Variants in CTNNA3 observed in about 807,000 individuals in gnomAD.
CTNNA3 encodes catenin alpha 3, also known as catenin alpha-3.
A neutral mutation model predicts 95.7 loss-of-function variants in CTNNA3; 76 were observed. The ratio of observed to expected loss-of-function variants is 0.79; its 90% CI spans 0.66 to 0.96. The LOEUF (loss-of-function observed/expected upper bound fraction) is 0.96, where lower values mean the gene tolerates loss of function less well. CTNNA3 is among the 40% of genes least tolerant of loss of function. The pLI, the probability that CTNNA3 is intolerant of heterozygous loss-of-function variation, is 0.00. For missense variants in CTNNA3, 1,191 were observed against 1,089.8 expected (o/e 1.09, Z -1.31); for synonymous variants, 431 against 374.4 (o/e 1.15, Z -1.74).
intron 13 of CTNNA3, among the ~76,000 whole-genome samples, chr10:66,108,108 T>C (rs926848933): frequency 6.6e-6 from 1 of 151,954 alleles, no homozygotes; most frequent in African/African-American, 2.4e-5. Flanking sequence ...CCAGCTGAGG[T>C]AGTAACGTAG....
intron 7 of CTNNA3, among the ~76,000 whole-genome samples, chr10:66,963,823 T>G (rs1406128317): frequency 1.3e-5 from 2 of 150,334 alleles, no homozygotes; most frequent in East Asian, 4.0e-4. Flanking sequence ...GGATTTGTTG[T>G]TTTATCAGTG....
intron 9 of CTNNA3, among the ~76,000 whole-genome samples, chr10:66,634,490 A>G (rs940477929): frequency 6.6e-6 from 1 of 152,158 alleles, no homozygotes; most frequent in South Asian, 2.1e-4. Flanking sequence ...AAAGCTTCTT[A>G]TCAATGACAA....
chr10:66,093,027 A>C (rs1038070773), intron 14 of CTNNA3, among the ~76,000 whole-genome samples: 2 of 151,952 alleles, frequency 1.3e-5, no homozygotes, highest in Non-Finnish European at 2.9e-5. Context: ...CAGGATGAAA[A>C]TGTACATATT....
intron 1 of CTNNA3, among the ~76,000 whole-genome samples, chr10:67,649,245 G>A (rs11817415): frequency 0.022 from 3,407 of 152,260 alleles, 50 homozygotes; most frequent in Non-Finnish European, 0.034. Flanking sequence ...GTGAACCTTC[G>A]CAGCCTTTAA....
In CTNNA3 at chr10:66,445,216, A is replaced by G. The variant is rs576908546; in HGVS notation, c.1532-65864T>C. ...AAAGAGACTTAGACTCCCACACAAT[A>G]ATAATGGGAGACATTAACACCCCAC... On this transcript the variant is annotated intron_variant, in intron 11 of 17. Transcript: ENST00000433211. Among the ~76,000 whole-genome samples the G allele has an allele frequency of 1.0e-3, 152 of 152,088 alleles. 1 individual carries two copies. Among genetic ancestry groups the G allele is most frequent in the African/African-American group, 3.3e-3 (138 of 41,462 alleles).
intron 5 of CTNNA3, among the ~76,000 whole-genome samples, chr10:67,317,890 C>T (rs1841127492): frequency 7.6e-6 from 1 of 130,852 alleles, no homozygotes; most frequent in South Asian, 2.5e-4. Context: ...ATTTTTATAG[C>T]CCTTGTGAAA....
Position 65,939,317 on chromosome 10 carries a change from G to C in CTNNA3, c.2401-18700C>G, listed in dbSNP as rs151311720. 1.6e-3 allele frequency among the ~76,000 whole-genome samples: 239 copies of C among 152,290 alleles called. 2 individuals carry two copies. The highest frequency in any genetic ancestry group is 1.3e-3 in the Non-Finnish European group (87 of 68,008). On this transcript the variant is annotated intron_variant, in intron 17 of 17. Transcript: ENST00000433211. ...TTCTGAGCTCAAATTTCTTTGTGCA[G>C]TATGCAGGTTGGACTGAATGACTTA...
At chr10:66,378,556 TG>T (rs1355000541) in intron 12 of CTNNA3, among the ~76,000 whole-genome samples, 1 of 152,234 alleles carries the variant, frequency 6.6e-6, no homozygotes, top group African/African-American at 2.4e-5. Context: ...AGTGTTAAAA[TG>T]CCATTTCACT....
chr10:66,300,911 T>A (rs1027681186), intron 12 of CTNNA3, among the ~76,000 whole-genome samples: 10 of 151,180 alleles, frequency 6.6e-5, no homozygotes, highest in African/African-American at 2.4e-4. Context: ...AAAAGATCAA[T>A]AAAATTTACA....
chr10:66,474,333 T>C (rs1252880906), intron 11 of CTNNA3, among the ~76,000 whole-genome samples: 1 of 152,084 alleles, frequency 6.6e-6, no homozygotes, highest in African/African-American at 2.4e-5. Flanking sequence ...ACTGGCTTGT[T>C]TCACTTTATC....
In CTNNA3 at chr10:66,033,616, C is replaced by T. The variant is rs148880179; in HGVS notation, c.2159+35692G>A. ...GCACTTTCCTGGACTGAAAGCCCCC[C>T]GAGATCAGGGACTGGAAAGACTCAA... On this transcript the variant is annotated intron_variant, in intron 15 of 17. Transcript: ENST00000433211. Among the ~76,000 whole-genome samples, 37 of 152,090 alleles carry T rather than the reference C, an allele frequency of 2.4e-4. No homozygotes were observed. The East Asian group carries it at 3.5e-3, about 14-fold the overall frequency.
chr10:66,463,452 CTCTT>C (rs1475167224), intron 11 of CTNNA3, among the ~76,000 whole-genome samples: 2 of 152,104 alleles, frequency 1.3e-5, no homozygotes, highest in Non-Finnish European at 2.9e-5. Flanking sequence ...CTAATTAAAC[CTCTT>C]TCTTTATCAA....
chr10:66,483,583 G>T (rs1839618528), intron 11 of CTNNA3, among the ~76,000 whole-genome samples: 1 of 152,022 alleles, frequency 6.6e-6, no homozygotes, highest in Non-Finnish European at 1.5e-5. Context: ...TTTAAAAAGG[G>T]TCTTTATTTG....
At position 67,411,769 on chromosome 10, in the gene CTNNA3, A is replaced by C. The variant is rs143453158; in HGVS notation, c.579+110073T>G. Among the ~76,000 whole-genome samples, 544 of 152,156 alleles carry C rather than the reference A, an allele frequency of 3.6e-3. 8 individuals carry two copies. Among genetic ancestry groups the C allele is most frequent in the African/African-American group, 0.012 (518 of 41,526 alleles). Reference sequence around the variant, plus strand: ...GTTTTACAGGAGAACTAGGCCTTCTAATTCTGATTTGACTTTCCAACTAAC... The same window carrying C: ...GTTTTACAGGAGAACTAGGCCTTCTCATTCTGATTTGACTTTCCAACTAAC... On this transcript the variant is annotated intron_variant, in intron 5 of 17. Transcript: ENST00000433211.
rs865788223 is a variant in CTNNA3, at chr10:66,840,408, A to G, written c.1048-64884T>C. ...CACACACACACACACACACACACAC[A>G]CACCCCTCGGTATAGGTTGGAAGTC... On this transcript the variant is annotated intron_variant, in intron 7 of 17. Transcript: ENST00000433211. Among the ~76,000 whole-genome samples the G allele has an allele frequency of 2.5e-5, 3 of 118,734 alleles. No homozygotes were observed. The East Asian group carries it at 7.5e-4, about 30-fold the overall frequency. The allele number at this position is 118,734 out of a possible 152,430, so 77.9% of individuals were successfully genotyped here. A position where few individuals can be genotyped will look rare whatever the true frequency, so the allele number is the denominator to read the frequency against.
At chr10:67,100,881 G>A (rs1459074951) in intron 7 of CTNNA3, among the ~76,000 whole-genome samples, 1 of 151,676 alleles carries the variant, frequency 6.6e-6, no homozygotes, top group South Asian at 2.1e-4. Context: ...CAGGCTGTTA[G>A]TCTTTCCACT....
intron 5 of CTNNA3, among the ~76,000 whole-genome samples, chr10:67,274,792 C>T (rs1386009795): frequency 6.6e-6 from 1 of 152,078 alleles, no homozygotes; most frequent in Non-Finnish European, 1.5e-5. Context: ...CATGTCATGG[C>T]ACTCCAGGCT....
At chr10:66,033,600 T>C (rs1233722542) in intron 15 of CTNNA3, among the ~76,000 whole-genome samples, 1 of 152,030 alleles carries the variant, frequency 6.6e-6, no homozygotes, top group African/African-American at 2.4e-5. Context: ...TGCACTTTCC[T>C]GGACTGAAAG....
intron 14 of CTNNA3, among the ~76,000 whole-genome samples, chr10:66,076,784 G>T (rs919262550): frequency 6.6e-6 from 1 of 151,536 alleles, no homozygotes; most frequent in Non-Finnish European, 1.5e-5. Flanking sequence ...ACTCTATTGA[G>T]CACTTTTGAA....
Sources: allele counts gnomAD v4.1 joint callset (sites outside exome capture counted in the v4.1 genomes callset), GRCh38; gene constraint gnomAD v4.1.1; transcripts MANE v1.5; gene names NCBI Gene and HGNC (gene_info 2026-07-23, HGNC 2026-07-21).